The following MYO9A variants were observed in gnomAD, a reference collection of about 807,000 sequenced individuals.
The protein encoded by MYO9A is unconventional myosin-IXa.
A neutral mutation model predicts 293.3 loss-of-function variants in MYO9A; 103 were observed. That is an observed-to-expected ratio of 0.35 (90% confidence interval 0.30 to 0.41). MYO9A has a LOEUF of 0.41. MYO9A is among the 10% of genes least tolerant of loss of function. MYO9A has a pLI of 1.00. For synonymous variants in MYO9A, 1,001 were observed against 1,035.7 expected, an observed-to-expected ratio of 0.97 and a Z score of 0.64; for missense variants, 2,685 against 3,033.0, an observed-to-expected ratio of 0.89 and a Z score of 2.69.
intron 1 of MYO9A, among the ~76,000 whole-genome samples, chr15:72,055,836 A>G (rs1227904982): frequency 1.3e-5 from 2 of 152,138 alleles, no homozygotes; most frequent in Admixed American, 1.3e-4. Flanking sequence ...GATGTGGTGA[A>G]AAGAGAACAC....
rs2054515138 is a variant in MYO9A, at chr15:71,826,680, G to A, written c.7547C>T (p.Pro2516Leu). 2 of 1,613,936 alleles carry A rather than the reference G, an allele frequency of 1.2e-6. No homozygotes were observed. Residue 2516 changes from proline (P) to leucine (L), a missense_variant, in exon 42 of 42, where the codon CCA (proline) becomes CTA (leucine). Pro to Leu is a moderately conservative substitution (Grantham distance 98, BLOSUM62 -3). This residue lies in a region of MYO9A where 350 missense variants were observed against 328.9 expected (regional missense o/e 1.06). Transcript: ENST00000356056. ...GCGGCCAGACATGACTGTCCCCTCT[G>A]GGGTCTCTTTGGTTTTCTGAGGTGA... The part of the protein sequence containing the change: ...KNSPQKTKET[P>L]EGTVMSGRRK...
At chr15:71,844,765 C>A (rs934141076) in intron 39 of MYO9A, among the ~76,000 whole-genome samples, 1 of 151,994 alleles carries the variant, frequency 6.6e-6, no homozygotes, top group South Asian at 2.1e-4. Flanking sequence ...TACTATAAAT[C>A]GAAGTAAGCC....
At chr15:71,988,587 G>A (rs149725459) in intron 11 of MYO9A, among the ~76,000 whole-genome samples, 1 of 152,000 alleles carries the variant, frequency 6.6e-6, no homozygotes, top group African/African-American at 2.4e-5. Flanking sequence ...TGTCCTTTAA[G>A]CAAAATAGAG....
intron 18 of MYO9A, among the ~76,000 whole-genome samples, chr15:71,926,994 C>G (rs565959112): frequency 6.0e-4 from 91 of 152,238 alleles, no homozygotes; most frequent in African/African-American, 2.1e-3. Flanking sequence ...CCCTCAGGAC[C>G]TGGGTAAGAG....
chr15:71,952,790 C>A (rs1008854729), intron 14 of MYO9A, among the ~76,000 whole-genome samples: 3 of 152,132 alleles, frequency 2.0e-5, no homozygotes, highest in African/African-American at 4.8e-5. Context: ...AACTAAAGTT[C>A]TATTACTGCA....
chr15:72,082,669 T>A (rs1196308468), intron 1 of MYO9A, among the ~76,000 whole-genome samples: 3 of 152,010 alleles, frequency 2.0e-5, no homozygotes, highest in Admixed American at 1.3e-4. Context: ...TGATGTTGGC[T>A]GTGGGTCTGT....
intron 4 of MYO9A, among the ~76,000 whole-genome samples, chr15:72,025,956 A>G (rs1054066726): frequency 1.3e-5 from 2 of 151,978 alleles, no homozygotes; most frequent in Non-Finnish European, 2.9e-5. Context: ...TCATACAACT[A>G]CTCCAAACAC....
intron 33 of MYO9A, among the ~76,000 whole-genome samples, chr15:71,861,092 A>G (rs1344985801): frequency 6.6e-6 from 1 of 152,028 alleles, no homozygotes; most frequent in East Asian, 1.9e-4. Flanking sequence ...TAGTTACACT[A>G]AAGGGTCAAA....
chr15:72,017,421 T>C (rs1369393924), intron 6 of MYO9A, among the ~76,000 whole-genome samples: 1 of 152,146 alleles, frequency 6.6e-6, no homozygotes, highest in Admixed American at 6.5e-5. Flanking sequence ...GCAGTATGTG[T>C]TTGCAGTCCC....
Position 71,983,684 on chromosome 15 carries a change from T to C in MYO9A, c.1723-5392A>G, listed in dbSNP as rs563780253. Among the ~76,000 whole-genome samples the C allele has an allele frequency of 2.0e-5, 3 of 151,932 alleles. No homozygotes were observed. The South Asian group carries it at 6.2e-4, about 32-fold the overall frequency. On this transcript the variant is annotated intron_variant, in intron 11 of 41. Coordinates refer to ENST00000356056, the MANE Select transcript of MYO9A (RefSeq NM_006901.4). ...TTTTAGTAGAGTCGGGGTTTCACCA[T>C]GTTGGCCAGGCTGGTCTCACACTCC...
At chr15:71,838,379 A>C (rs964905294) in intron 39 of MYO9A, among the ~76,000 whole-genome samples, 1 of 152,120 alleles carries the variant, frequency 6.6e-6, no homozygotes, top group Admixed American at 6.5e-5. Flanking sequence ...ATAATAGCAA[A>C]GCCCTGTCCA....
intron 1 of MYO9A, among the ~76,000 whole-genome samples, chr15:72,082,310 C>T (rs1303915532): frequency 6.6e-6 from 1 of 151,886 alleles, no homozygotes; most frequent in East Asian, 1.9e-4. Context: ...ATTTGTGTTC[C>T]TAATTTGGTT....
chr15:72,086,303 G>A (rs2079724891), intron 1 of MYO9A, among the ~76,000 whole-genome samples: 1 of 152,300 alleles, frequency 6.6e-6, no homozygotes, highest in East Asian at 1.9e-4. Flanking sequence ...GTGCTGGTAA[G>A]GGCAAATCTG....
At chr15:72,017,225 G>A (rs1485541008) in intron 6 of MYO9A, among the ~76,000 whole-genome samples, 1 of 151,822 alleles carries the variant, frequency 6.6e-6, no homozygotes, top group East Asian at 1.9e-4. Flanking sequence ...TGTTGCTCAA[G>A]CTAGTCTCAA....
intron 19 of MYO9A, among the ~76,000 whole-genome samples, chr15:71,915,894 A>C (rs1468100628): frequency 6.6e-6 from 1 of 152,156 alleles, no homozygotes; most frequent in East Asian, 1.9e-4. Context: ...AATTTGGTTA[A>C]CTATTATCAT....
rs75278366 is a variant in MYO9A, at chr15:72,089,935, G to A, written c.-72+27745C>T. Among the ~76,000 whole-genome samples the A allele has an allele frequency of 3.1e-3, 465 of 152,260 alleles. 11 individuals carry two copies. In the East Asian group the frequency reaches 0.058, roughly 19 times the overall value. The stretch of plus-strand genomic sequence containing the variant: ...AAAACTGTATTGTGCCAATGGCTTC[G>A]AGTGGGATATTAAACAATCTCACCT... On this transcript the variant is annotated intron_variant, in intron 1 of 41. Transcript: ENST00000356056.
chr15:71,953,292 C>T (rs758750298), intron 14 of MYO9A, among the ~76,000 whole-genome samples: 3 of 152,140 alleles, frequency 2.0e-5, no homozygotes, highest in African/African-American at 4.8e-5. Context: ...CCTTAAACTC[C>T]ACTGCACTTG....
chr15:71,830,089 C>T lies in MYO9A; in HGVS notation c.7040+20G>A, dbSNP rs1017433850. 1.2e-6 allele frequency: 2 copies of T among 1,610,924 alleles called. No homozygotes were observed. The highest frequency in any genetic ancestry group is 1.3e-5 in the African/African-American group (1 of 74,776). On this transcript the variant is annotated intron_variant, in intron 40 of 41. Transcript: ENST00000356056. Reference sequence around the variant, plus strand: ...AAAAACAGACTATAACTGTCTCTCCCCTTCCTCCTGGATACTCACTTCTCC... The same window carrying T: ...AAAAACAGACTATAACTGTCTCTCCTCTTCCTCCTGGATACTCACTTCTCC...
At chr15:72,109,384 T>A in intron 1 of MYO9A, among the ~76,000 whole-genome samples, 1 of 148,402 alleles carries the variant, frequency 6.7e-6, no homozygotes, top group African/African-American at 2.5e-5. Flanking sequence ...AGCAAGGCTC[T>A]GTCTAAAAAA....
Sources: allele counts gnomAD v4.1 joint callset (sites outside exome capture counted in the v4.1 genomes callset), GRCh38; gene constraint gnomAD v4.1.1; regional missense constraint gnomAD v4.1.1; transcripts MANE v1.5; gene names NCBI Gene and HGNC (gene_info 2026-07-23, HGNC 2026-07-21).